ZNF680: variants seen among roughly 807,000 people sequenced by gnomAD.
The protein encoded by ZNF680 is zinc finger protein 680.
A neutral mutation model predicts 12.1 loss-of-function variants in ZNF680; 6 were observed. That is an observed-to-expected ratio of 0.49 (90% CI 0.27 to 0.98). The LOEUF is 0.98. Among genes scored for constraint, ZNF680 ranks in the 50% least tolerant of loss-of-function variants. ZNF680 has a pLI of 0.12. For synonymous variants in ZNF680, 170 were observed against 199.3 expected, an observed-to-expected ratio of 0.85 and a Z score of 1.24; for missense variants, 561 against 616.3, an observed-to-expected ratio of 0.91 and a Z score of 0.95.
At chr7:64,547,990 T>C (rs1419345027) in intron 1 of ZNF680, among the ~76,000 whole-genome samples, 1 of 152,174 alleles carries the variant, frequency 6.6e-6, no homozygotes, top group East Asian at 1.9e-4. Flanking sequence ...GGGTCAGACC[T>C]AAGTAAGGCC....
rs553436417 is a variant in ZNF680, at chr7:64,559,573, T to C, written c.30+3352A>G. Among the ~76,000 whole-genome samples the C allele has an allele frequency of 4.6e-5, 7 of 151,956 alleles. No individual in the cohort carries two copies. The South Asian group carries it at 6.3e-4, about 14-fold the overall frequency. On this transcript the variant is annotated intron_variant, in intron 1 of 3. Transcript: ENST00000309683. ...TCAGCTCACTGCAACCTCTACCTCCTGGGTTCAAGCAATTCTCCTGCCTCA... is the reference window on the plus strand; with the variant it reads ...TCAGCTCACTGCAACCTCTACCTCCCGGGTTCAAGCAATTCTCCTGCCTCA...
At chr7:64,522,580 A>G (rs1322308717) in intron 3 of ZNF680, 80 bp from the exon 4 acceptor site, 2 of 1,069,400 alleles carry the variant, frequency 1.9e-6, no homozygotes, top group African/African-American at 3.3e-5. Flanking sequence ...TTATAAAATT[A>G]CACAAACTAC....
At chr7:64,501,086 CA>C in the ZNF680 span, 1 of 928,470 alleles carries the variant, frequency 1.1e-6, no homozygotes, top group Non-Finnish European at 1.7e-6. Flanking sequence ...GCTGCAGAGC[CA>C]AAAGTGAACG....
intron 1 of ZNF680, among the ~76,000 whole-genome samples, chr7:64,552,672 A>G (rs2116529151): frequency 6.6e-6 from 1 of 152,368 alleles, no homozygotes; most frequent in South Asian, 2.1e-4. Context: ...TACTCGTCAT[A>G]ATGTATGTAG....
At position 64,520,298 on chromosome 7, in the gene ZNF680, CATT is replaced by C. The variant is rs1049683552; in HGVS notation, c.*860_*862del. 5 of 151,686 alleles carry C rather than the reference CATT, an allele frequency of 3.3e-5. No individual in the cohort carries two copies. The highest frequency in any genetic ancestry group is 9.7e-5 in the African/African-American group (4 of 41,406). 9.4% of individuals were successfully genotyped at this position (151,686 alleles called of 1,614,324 possible). On this transcript the variant is annotated 3_prime_UTR_variant, in exon 4 of 4. Transcript: ENST00000309683. ...AAGTAATTTGAGAGTTGAATTTCAT[CATT>C]ATTTACTTTTCAAATAAGCCATAAT...
intron 3 of ZNF680, chr7:64,526,506 C>A: frequency 1.3e-6 from 1 of 760,812 alleles, no homozygotes; most frequent in South Asian, 1.9e-5. Context: ...GCCTGAGCAA[C>A]ACAGTAAGAC....
intron 3 of ZNF680, among the ~76,000 whole-genome samples, chr7:64,536,233 A>C (rs1786160079): frequency 6.6e-6 from 1 of 152,216 alleles, no homozygotes; most frequent in Non-Finnish European, 1.5e-5. Flanking sequence ...CAGAAAACTT[A>C]GACATTATAG....
rs534197421 is a variant in ZNF680 at position 64,560,715 on chromosome 7, G to C, written c.30+2210C>G. ...TAGTCTCAGCTACTCAGGAGGCTGA[G>C]GGAGGAGAATCGCTTGAACCCAAGA... On this transcript the variant is annotated intron_variant, in intron 1 of 3. Coordinates refer to ENST00000309683, the MANE Select transcript of ZNF680 (RefSeq NM_178558.5). 2.0e-5 allele frequency among the ~76,000 whole-genome samples: 3 copies of C among 152,204 alleles called. No homozygotes were observed. The South Asian group carries it at 6.2e-4, about 32-fold the overall frequency.
the ZNF680 span, among the ~76,000 whole-genome samples, chr7:64,499,461 C>A: frequency 2.6e-5 from 4 of 152,144 alleles, no homozygotes; most frequent in African/African-American, 9.7e-5. Flanking sequence ...CAGTAAAATA[C>A]AGGTAAGACA....
chr7:64,537,961 A>G (rs1786266093), intron 3 of ZNF680, among the ~76,000 whole-genome samples: 1 of 151,962 alleles, frequency 6.6e-6, no homozygotes, highest in Non-Finnish European at 1.5e-5. Flanking sequence ...ACAAAAACAG[A>G]ATAGAGAGCC....
chr7:64,533,661 A>C (rs1026898892), intron 3 of ZNF680, among the ~76,000 whole-genome samples: 3 of 151,120 alleles, frequency 2.0e-5, no homozygotes, highest in African/African-American at 7.3e-5. Context: ...GAATTAGAAA[A>C]ACCAATTCTA....
intron 1 of ZNF680, among the ~76,000 whole-genome samples, chr7:64,556,714 T>G (rs946880562): frequency 6.6e-6 from 1 of 152,100 alleles, no homozygotes; most frequent in African/African-American, 2.4e-5. Context: ...CTATGTCAAT[T>G]GGATAAAGAA....
chr7:64,536,970 T>C (rs1277180372), intron 3 of ZNF680, among the ~76,000 whole-genome samples: 1 of 151,968 alleles, frequency 6.6e-6, no homozygotes, highest in African/African-American at 2.4e-5. Context: ...CACGGGGAGC[T>C]GAGGTGGAAG....
At chr7:64,552,150 T>C (rs910591734) in intron 1 of ZNF680, 1 of 152,158 alleles carries the variant, frequency 6.6e-6, no homozygotes, top group African/African-American at 2.4e-5. Context: ...GCCTCCCAGG[T>C]TAAAGCAATT....
At chr7:64,513,524 A>G in the ZNF680 span, among the ~76,000 whole-genome samples, 1 of 152,206 alleles carries the variant, frequency 6.6e-6, no homozygotes, top group Non-Finnish European at 1.5e-5. Context: ...AAAGGTTTAT[A>G]AAACTCTCAC....
chr7:64,536,543 T>C (rs1267420069), intron 3 of ZNF680, among the ~76,000 whole-genome samples: 1 of 152,210 alleles, frequency 6.6e-6, no homozygotes, highest in Non-Finnish European at 1.5e-5. Flanking sequence ...CGTCATGCCA[T>C]TCATGAGGAA....
At chr7:64,507,377 CTATAGTAAACAATAATATATTGTG>C in the ZNF680 span, among the ~76,000 whole-genome samples, 922 of 151,912 alleles carry the variant, frequency 6.1e-3, 5 homozygotes, top group Non-Finnish European at 0.011. Flanking sequence ...ACAGCAGGGA[CTATAGTAAACAATAATATATTGTG>C]TATAGTAAAC....
At chr7:64,533,207 G>A (rs1424807883) in intron 3 of ZNF680, among the ~76,000 whole-genome samples, 2 of 152,168 alleles carry the variant, frequency 1.3e-5, no homozygotes, top group Admixed American at 1.3e-4. Context: ...ATCCAAATCA[G>A]TAAAGAGAAA....
chr7:64,520,968 T>C lies in ZNF680; in HGVS notation c.*193A>G. On this transcript the variant is annotated 3_prime_UTR_variant, in exon 4 of 4. Coordinates refer to ENST00000309683, the MANE Select transcript of ZNF680 (RefSeq NM_178558.5). The stretch of plus-strand genomic sequence containing the variant: ...TTATACTTGTACAATCTTTCTCAAG[T>C]AAAAATGCTTTCCTGTGCAATAAGA... 1 of 571,748 alleles carries C rather than the reference T, an allele frequency of 1.7e-6. No homozygotes were observed. Among genetic ancestry groups the C allele is most frequent in the Non-Finnish European group, 2.9e-6 (1 of 342,418 alleles). The allele number at this position is 571,748 out of a possible 1,614,324, so 35.4% of individuals were successfully genotyped here. A position where few individuals can be genotyped will look rare whatever the true frequency, so the allele number is the denominator to read the frequency against.
Sources: allele counts gnomAD v4.1 joint callset (sites outside exome capture counted in the v4.1 genomes callset), GRCh38; gene constraint gnomAD v4.1.1; transcripts MANE v1.5; gene names NCBI Gene and HGNC (gene_info 2026-07-23, HGNC 2026-07-21).